RYR3: variants seen among roughly 807,000 people sequenced by gnomAD.
RYR3 encodes brain ryanodine receptor-calcium release channel.
A neutral mutation model predicts 584.3 loss-of-function variants in RYR3; 207 were observed. The ratio of observed to expected loss-of-function variants is 0.35; its 90% CI spans 0.32 to 0.40. The LOEUF (loss-of-function observed/expected upper bound fraction) is 0.40. RYR3 is among the 10% of genes least tolerant of loss of function. The probability of loss-of-function intolerance (pLI) is 1.00; values close to 1 mark genes in which losing one functional copy is unlikely to be tolerated. For synonymous variants in RYR3, 2,416 were observed against 2,248.5 expected, an observed-to-expected ratio of 1.07 and a Z score of -2.11; for missense variants, 5,616 against 6,089.2, an observed-to-expected ratio of 0.92 and a Z score of 2.59.
chr15:33,610,500 A>C (rs1428193383), intron 18 of RYR3, among the ~76,000 whole-genome samples: 1 of 152,166 alleles, frequency 6.6e-6, no homozygotes, highest in Non-Finnish European at 1.5e-5. Flanking sequence ...GGAGAGCCTC[A>C]TTACTGCCTG....
chr15:33,644,639 G>A, intron 28 of RYR3, 120 bp downstream of exon 28: 1 of 701,014 alleles, frequency 1.4e-6, no homozygotes, highest in East Asian at 2.7e-5. Flanking sequence ...CCACTTACCA[G>A]CCACCTCCCC....
At chr15:33,493,621 T>TTG (rs2051163993) in intron 2 of RYR3, among the ~76,000 whole-genome samples, 1 of 152,046 alleles carries the variant, frequency 6.6e-6, no homozygotes, top group African/African-American at 2.4e-5. Context: ...CACCTTAGCT[T>TTG]TGTAACATGC....
At chr15:33,517,752 G>T (rs1478594421) in intron 3 of RYR3, among the ~76,000 whole-genome samples, 1 of 152,146 alleles carries the variant, frequency 6.6e-6, no homozygotes, top group Non-Finnish European at 1.5e-5. Context: ...GAATATTAAA[G>T]ATCAAACTCT....
intron 31 of RYR3, among the ~76,000 whole-genome samples, chr15:33,652,301 C>T (rs1390619063): frequency 6.6e-6 from 1 of 152,204 alleles, no homozygotes; most frequent in Non-Finnish European, 1.5e-5. Flanking sequence ...CAGACTGGGA[C>T]TCTGAACCCA....
At position 33,623,837 on chromosome 15, in the gene RYR3, A is replaced by G. The variant is rs1419949284; in HGVS notation, c.2388A>G (p.Gly796=). 2 of 1,613,430 alleles carry G rather than the reference A, an allele frequency of 1.2e-6. No homozygotes were observed. The highest frequency in any genetic ancestry group is 1.7e-6 in the Non-Finnish European group (2 of 1,179,530). ...GTTTCCTGATGGGTGGACGTCATGGAGAGTTTAAGTTCCTGCCTCCCTCTG... is the reference window on the plus strand; with the variant it reads ...GTTTCCTGATGGGTGGACGTCATGGGGAGTTTAAGTTCCTGCCTCCCTCTG... ...KVRFLMGGRH[G]EFKFLPPSGY... Residue 796 remains glycine, a synonymous_variant, in exon 20 of 104, where the codon GGA becomes GGG. Coordinates refer to ENST00000634891, the MANE Select transcript of RYR3 (RefSeq NM_001036.6).
chr15:33,339,716 C>T lies in RYR3; in HGVS notation c.51+28620C>T, dbSNP rs140923105. Among the ~76,000 whole-genome samples the T allele has an allele frequency of 5.2e-3, 789 of 152,108 alleles. 6 individuals are homozygous for T. Among genetic ancestry groups the T allele is most frequent in the African/African-American group, 0.018 (754 of 41,494 alleles). On this transcript the variant is annotated intron_variant, in intron 1 of 103. Coordinates refer to ENST00000634891, the MANE Select transcript of RYR3 (RefSeq NM_001036.6). ...CATCCTGGCTAACACGGTGAAACCC[C>T]GTCTCTACTAAAAACACAAAAAATT... is the stretch of plus-strand genomic sequence containing the variant.
chr15:33,486,545 G>A (rs1379845374), intron 2 of RYR3, among the ~76,000 whole-genome samples: 1 of 152,006 alleles, frequency 6.6e-6, no homozygotes, highest in Admixed American at 6.6e-5. Flanking sequence ...TATCTTTTGC[G>A]GGGACACAAA....
chr15:33,808,160 A>G (rs2076304499), intron 70 of RYR3, among the ~76,000 whole-genome samples: 1 of 152,208 alleles, frequency 6.6e-6, no homozygotes, highest in South Asian at 2.1e-4. Flanking sequence ...GGAGATGTGG[A>G]GGAACTAGGG....
chr15:33,770,255 A>G (rs1186823593), intron 62 of RYR3, among the ~76,000 whole-genome samples: 1 of 152,232 alleles, frequency 6.6e-6, no homozygotes, highest in African/African-American at 2.4e-5. Context: ...AAAATCCACA[A>G]TGAACTGAGA....
At chr15:33,314,789 C>T (rs1480084171) in intron 1 of RYR3, among the ~76,000 whole-genome samples, 1 of 152,180 alleles carries the variant, frequency 6.6e-6, no homozygotes, top group African/African-American at 2.4e-5. Flanking sequence ...TGGTGGGTGC[C>T]TGTAGTCCCA....
chr15:33,841,819 C>T, intron 90 of RYR3, 45 bp from the exon 91 acceptor site: 1 of 1,545,602 alleles, frequency 6.5e-7, no homozygotes, highest in Non-Finnish European at 8.7e-7. Context: ...TTGGGCCAGA[C>T]CGCCCTCCCG....
chr15:33,667,298 A>C (rs527353730), intron 36 of RYR3, among the ~76,000 whole-genome samples: 6 of 152,228 alleles, frequency 3.9e-5, no homozygotes, highest in Non-Finnish European at 7.3e-5. Context: ...CAGGTGTTCA[A>C]TGACCTGGGG....
chr15:33,837,018 C>G (rs1344465379), intron 88 of RYR3, 31 bp downstream of exon 88: 1 of 1,535,326 alleles, frequency 6.5e-7, no homozygotes, highest in African/African-American at 1.4e-5. Flanking sequence ...TAGGCCTTCA[C>G]ACAACTGTAA....
chr15:33,793,908 T>TACAC (rs56757917), intron 67 of RYR3, among the ~76,000 whole-genome samples: 40 of 140,738 alleles, frequency 2.8e-4, no homozygotes, highest in East Asian at 2.0e-3. Context: ...CACAACACCT[T>TACAC]ACACACACAC....
chr15:33,827,366 C>G (rs1160661196), intron 85 of RYR3, 79 bp downstream of exon 85: 1 of 1,316,408 alleles, frequency 7.6e-7, no homozygotes, highest in African/African-American at 1.5e-5. Flanking sequence ...GGGTCAGGGA[C>G]AGCCCAGGAT....
intron 45 of RYR3, among the ~76,000 whole-genome samples, chr15:33,724,486 T>C (rs943696554): frequency 1.3e-5 from 2 of 152,184 alleles, no homozygotes; most frequent in Non-Finnish European, 2.9e-5. Context: ...TGGGAGCAAC[T>C]TGATTCTGGA....
In RYR3 at chr15:33,839,187, T is replaced by C. The variant is rs549774836; in HGVS notation, c.12978+229T>C. Reference sequence around the variant, plus strand: ...TCATTGGTTGGTCGTCTAGTTTATATTGTAGAATTCAAACATGATGGCCTG... The same window carrying C: ...TCATTGGTTGGTCGTCTAGTTTATACTGTAGAATTCAAACATGATGGCCTG... On this transcript the variant is annotated intron_variant, in intron 89 of 103. Coordinates refer to ENST00000634891, the MANE Select transcript of RYR3 (RefSeq NM_001036.6). Among the ~76,000 whole-genome samples, 284 of 152,308 alleles carry C rather than the reference T, an allele frequency of 1.9e-3. 2 individuals are homozygous for C. The highest frequency in any genetic ancestry group is 3.4e-3 in the Middle Eastern group (1 of 294).
intron 14 of RYR3, among the ~76,000 whole-genome samples, chr15:33,582,003 A>C (rs951047962): frequency 6.6e-6 from 1 of 152,208 alleles, no homozygotes; most frequent in Non-Finnish European, 1.5e-5. Context: ...AAGAATTGTT[A>C]TTCTTTTAAA....
chr15:33,480,209 A>G (rs1395360380), intron 2 of RYR3, among the ~76,000 whole-genome samples: 2 of 152,170 alleles, frequency 1.3e-5, no homozygotes, highest in African/African-American at 4.8e-5. Flanking sequence ...AATAAACTTG[A>G]CCCTGGAGTC....
Sources: allele counts gnomAD v4.1 joint callset (sites outside exome capture counted in the v4.1 genomes callset), GRCh38; gene constraint gnomAD v4.1.1; transcripts MANE v1.5; gene names NCBI Gene and HGNC (gene_info 2026-07-23, HGNC 2026-07-21).